The following DNAH7 variants were observed in gnomAD, a reference collection of about 807,000 sequenced individuals.
DNAH7 encodes the protein dynein axonemal heavy chain 7.
DNAH7 carries 397 observed loss-of-function variants against 444.6 expected under a neutral mutation model. That is an observed-to-expected ratio of 0.89 (90% CI 0.82 to 0.97). The LOEUF (loss-of-function observed/expected upper bound fraction) is 0.97, where lower values mean the gene tolerates loss of function less well. DNAH7 is among the 50% of genes least tolerant of loss of function. The probability of loss-of-function intolerance (pLI) is 0.00; values close to 1 mark genes in which losing one functional copy is unlikely to be tolerated. For missense variants in DNAH7, 4,902 were observed against 4,800.8 expected, an observed-to-expected ratio of 1.02 and a Z score of -0.62; for synonymous variants, 1,636 against 1,624.4, an observed-to-expected ratio of 1.01 and a Z score of -0.17.
At chr2:195,960,981 G>T in intron 17 of DNAH7, 36 bp from the exon 18 acceptor site, 2 of 1,426,336 alleles carry the variant, frequency 1.4e-6, no homozygotes, top group South Asian at 3.5e-5. Flanking sequence ...TAGTTATTTT[G>T]AAAGTGAATG....
rs537680731 is a variant in DNAH7 at position 195,997,440 on chromosome 2, A to G, written c.1353+3264T>C. 2.4e-4 allele frequency among the ~76,000 whole-genome samples: 37 copies of G among 152,280 alleles called. 2 individuals carry two copies. In the South Asian group the frequency reaches 7.7e-3, roughly 32 times the overall value. On this transcript the variant is annotated intron_variant, in intron 12 of 64. Coordinates refer to ENST00000312428, the MANE Select transcript of DNAH7 (RefSeq NM_018897.3). ...TGAGGCAGGAGAATCGCGTGAACCC[A>G]GGAGGCAGAGCTTCCAGTGAGCCGA...
intron 63 of DNAH7, among the ~76,000 whole-genome samples, chr2:195,750,293 A>T (rs1293030589): frequency 6.6e-6 from 1 of 152,200 alleles, no homozygotes; most frequent in East Asian, 1.9e-4. Flanking sequence ...GTATATAATA[A>T]TGGGCAACAC....
chr2:195,789,811 G>A (rs1406530777), intron 57 of DNAH7, among the ~76,000 whole-genome samples: 1 of 151,190 alleles, frequency 6.6e-6, no homozygotes, highest in Non-Finnish European at 1.5e-5. Flanking sequence ...AAACAGAGAG[G>A]AAGTCCTAGC....
chr2:195,891,693 C>A lies in DNAH7; in HGVS notation c.5008G>T (p.Val1670Phe). The A allele has an allele frequency of 6.3e-7, 1 of 1,599,018 alleles. No homozygotes were observed. Among genetic ancestry groups the A allele is most frequent in the Non-Finnish European group, 8.5e-7 (1 of 1,173,518 alleles). Residue 1670 changes from valine (V) to phenylalanine (F), a missense_variant, in exon 31 of 65, where the codon GTC (valine) becomes TTC (phenylalanine). Val to Phe is a conservative substitution (Grantham distance 50). Transcript: ENST00000312428. ...AATGCTCTAAAACTGACAGCAAGGA[C>A]CCCATCAGACCATTCATGGGACACT... The part of the protein sequence containing the change: ...DSVSHEWSDG[V>F]LAVSFRAFAS...
intron 10 of DNAH7, among the ~76,000 whole-genome samples, chr2:196,004,907 G>A (rs374272163): frequency 6.9e-6 from 1 of 145,612 alleles, no homozygotes; most frequent in East Asian, 2.1e-4. Flanking sequence ...AGGATGCAGT[G>A]AGCCATGTTC....
chr2:195,836,490 C>T (rs1007014519), intron 47 of DNAH7, among the ~76,000 whole-genome samples: 9 of 149,942 alleles, frequency 6.0e-5, no homozygotes, highest in Non-Finnish European at 1.3e-4. Context: ...GAGTGAGACC[C>T]TGTCTTAAAA....
chr2:196,006,956 A>C (rs901425771), intron 10 of DNAH7, among the ~76,000 whole-genome samples: 1 of 152,320 alleles, frequency 6.6e-6, no homozygotes, highest in African/African-American at 2.4e-5. Flanking sequence ...AAATTAAAGA[A>C]GAACTAAATA....
At chr2:195,983,257 A>G (rs1692693502) in intron 15 of DNAH7, among the ~76,000 whole-genome samples, 1 of 152,178 alleles carries the variant, frequency 6.6e-6, no homozygotes, top group South Asian at 2.1e-4. Context: ...TTTATTTGCC[A>G]TTAGGTAGAC....
At chr2:195,875,572 C>T (rs530428571) in intron 38 of DNAH7, 103 bp downstream of exon 38, 2 of 1,101,216 alleles carry the variant, frequency 1.8e-6, no homozygotes, top group Admixed American at 5.6e-5. Context: ...AAAACATATA[C>T]ACAAAACACT....
intron 55 of DNAH7, among the ~76,000 whole-genome samples, chr2:195,797,880 C>T (rs1389937520): frequency 6.6e-6 from 1 of 152,190 alleles, no homozygotes; most frequent in East Asian, 1.9e-4. Flanking sequence ...CATCTCAGAC[C>T]TCATCTCCTC....
Position 195,778,639 on chromosome 2 carries a change from A to AAAAAAT in DNAH7, c.10879-655_10879-654insATTTTT, listed in dbSNP as rs1559089662. Among the ~76,000 whole-genome samples the AAAAAAT allele has an allele frequency of 1.0e-3, 52 of 51,690 alleles. 5 individuals carry two copies. Among genetic ancestry groups the AAAAAAT allele is most frequent in the South Asian group, 2.2e-3 (3 of 1,354 alleles). The allele number at this position is 51,690 out of a possible 152,430, so 33.9% of individuals were successfully genotyped here. On this transcript the variant is annotated intron_variant, in intron 58 of 64. Transcript: ENST00000312428. ...GTCTGAAAAAAAAAAAAAATAAATA[A>AAAAAAT]ATAAATATATATATATATATATATA...
chr2:195,907,013 T>G lies in DNAH7; in HGVS notation c.4105-4A>C. On this transcript the variant is annotated splice_polypyrimidine_tract_variant and splice_region_variant and intron_variant, in intron 25 of 64. Transcript: ENST00000312428. ...AGGCTCCACAAGATAACAGTCCCTA[T>G]GAGAAAAGAGTAATGAAAATTTTTG... 6.2e-7 allele frequency: 1 copy of G among 1,606,524 alleles called. No individual in the cohort carries two copies. Among genetic ancestry groups the G allele is most frequent in the Non-Finnish European group, 8.5e-7 (1 of 1,176,950 alleles).
At chr2:195,830,586 A>C (rs1430424639) in intron 48 of DNAH7, among the ~76,000 whole-genome samples, 1 of 152,228 alleles carries the variant, frequency 6.6e-6, no homozygotes, top group Non-Finnish European at 1.5e-5. Context: ...AATAAGGGCA[A>C]TCATGGAAAT....
chr2:195,800,583 T>G (rs1378182687), intron 54 of DNAH7, among the ~76,000 whole-genome samples: 1 of 152,194 alleles, frequency 6.6e-6, no homozygotes, highest in African/African-American at 2.4e-5. Context: ...AACGGATCTT[T>G]TTCTACTTCA....
intron 8 of DNAH7, 52 bp downstream of exon 8, chr2:196,024,377 T>C (rs2125770354): frequency 8.4e-7 from 1 of 1,188,386 alleles, no homozygotes; most frequent in East Asian, 2.6e-5. Flanking sequence ...GATATAAACA[T>C]ATACAGAAAT....
At chr2:195,919,591 C>T (rs190218515) in intron 24 of DNAH7, among the ~76,000 whole-genome samples, 22 of 152,278 alleles carry the variant, frequency 1.4e-4, no homozygotes, top group Admixed American at 1.4e-3. Context: ...ATGATCCATC[C>T]ACCTCATCCT....
intron 49 of DNAH7, among the ~76,000 whole-genome samples, chr2:195,821,974 G>C (rs985744496): frequency 2.0e-5 from 3 of 152,074 alleles, no homozygotes; most frequent in Non-Finnish European, 4.4e-5. Context: ...CCACACCTAG[G>C]CACCTCCTCA....
chr2:195,784,450 C>T (rs558603887), intron 58 of DNAH7, among the ~76,000 whole-genome samples: 131 of 152,250 alleles, frequency 8.6e-4, no homozygotes, highest in Admixed American at 8.5e-4. Flanking sequence ...CTTTTTAGCA[C>T]GGAATAATAT....
intron 21 of DNAH7, among the ~76,000 whole-genome samples, chr2:195,928,198 A>G (rs1688464423): frequency 6.6e-6 from 1 of 152,018 alleles, no homozygotes; most frequent in South Asian, 2.1e-4. Context: ...TCCTGTGTTA[A>G]TTTGTTTAGG....
Sources: gnomAD v4.1 joint callset for allele counts (sites outside exome capture counted in the v4.1 genomes callset) on GRCh38, gnomAD v4.1.1 for gene constraint, MANE v1.5 for transcripts, NCBI Gene and HGNC (gene_info 2026-07-23, HGNC 2026-07-21) for gene names.